MICAL2: variants seen among roughly 807,000 people sequenced by gnomAD.
MICAL2 encodes the protein microtubule associated monooxygenase, calponin and LIM domain containing 2, also known as [F-actin]-monooxygenase MICAL2.
In MICAL2, 77 loss-of-function variants were observed where a neutral mutation model predicts 127.3. The ratio of observed to expected loss-of-function variants is 0.60; its 90% CI spans 0.50 to 0.73. The LOEUF is 0.73. Among genes scored for constraint, MICAL2 ranks in the 30% least tolerant of loss-of-function variants. The probability of loss-of-function intolerance (pLI) is 0.00; values close to 1 mark genes in which losing one functional copy is unlikely to be tolerated. For missense variants in MICAL2, 1,351 were observed against 1,434.4 expected, an observed-to-expected ratio of 0.94 and a Z score of 0.94; for synonymous variants, 570 against 551.1, an observed-to-expected ratio of 1.03 and a Z score of -0.48.
intron 2 of MICAL2, 82 bp from the exon 3 acceptor site, chr11:12,161,997 T>C (rs149383805): frequency 0.01 from 8,544 of 820,354 alleles, 61 homozygotes; most frequent in Non-Finnish European, 0.013. Context: ...CTTAAAGAAA[T>C]TGCATTTTTA....
intron 6 of MICAL2, among the ~76,000 whole-genome samples, chr11:12,209,875 G>T (rs1855224325): frequency 1.3e-5 from 2 of 152,110 alleles, no homozygotes; most frequent in Admixed American, 1.3e-4. Flanking sequence ...TATGCGGGCT[G>T]GGAAAGGACT....
intron 6 of MICAL2, among the ~76,000 whole-genome samples, chr11:12,211,544 T>G (rs750266837): frequency 5.3e-4 from 80 of 152,288 alleles, no homozygotes; most frequent in Non-Finnish European, 8.8e-4. Context: ...TCTGCACCTG[T>G]GTGACAGGCA....
downstream of MICAL2, among the ~76,000 whole-genome samples, chr11:12,287,489 CTG>C (rs1863840258): frequency 6.6e-6 from 1 of 152,096 alleles, no homozygotes. Context: ...GATGAGTAAA[CTG>C]AGGTTCAGGA....
rs1565163861 is a variant in MICAL2, at chr11:12,208,085, G to A, written c.535G>A (p.Val179Met). Residue 179 changes from valine (V) to methionine (M), a missense_variant, in exon 5 of 28, where the codon GTG becomes ATG. Coordinates refer to ENST00000683283, the MANE Select transcript of MICAL2 (RefSeq NM_001282663.2). ...CCTGATGCTGGGAGTTGAAATCCAT[G>A]TGAATGTGGAGTTCGTGAAGGTTCT... ...VALMLGVEIH[V>M]NVEFVKVLEP... The A allele has an allele frequency of 6.2e-7, 1 of 1,614,098 alleles. No homozygotes were observed. The highest frequency in any genetic ancestry group is 8.5e-7 in the Non-Finnish European group (1 of 1,180,034).
intron 3 of MICAL2, among the ~76,000 whole-genome samples, chr11:12,192,532 G>T (rs1026498734): frequency 6.6e-6 from 1 of 152,174 alleles, no homozygotes; most frequent in Non-Finnish European, 1.5e-5. Flanking sequence ...TCAACACTTT[G>T]GGAGGCTGAG....
At chr11:12,340,130 G>A (rs769761181) in intron 32 of MICAL2, among the ~76,000 whole-genome samples, 1 of 151,974 alleles carries the variant, frequency 6.6e-6, no homozygotes, top group Non-Finnish European at 1.5e-5. Flanking sequence ...AGATACAGAC[G>A]GTCAACTGTG....
chr11:12,207,878 G>A (rs1290986058), intron 4 of MICAL2, 145 bp from the exon 5 acceptor site: 1 of 654,632 alleles, frequency 1.5e-6, no homozygotes, highest in Non-Finnish European at 2.8e-6. Flanking sequence ...CAGAGCTCTT[G>A]GTGCATAATC....
In MICAL2 at chr11:12,242,369, G is replaced by A. The variant is rs773525498; in HGVS notation, c.2493G>A (p.Pro831=). ...ENFATLPSTR[P]RAQALSGVLW... is the part of the protein sequence containing the mutation. ...TCGCTACCCTGCCTTCTACCCGCCCGAGGGCGCAGGCTCTTTCCGGGGTGC... is the reference window on the plus strand; with the variant it reads ...TCGCTACCCTGCCTTCTACCCGCCCAAGGGCGCAGGCTCTTTCCGGGGTGC... The change falls in exon 19 of 28, where the codon CCG becomes CCA. Residue 831 remains proline, a synonymous_variant. Transcript: ENST00000683283. 2.7e-5 allele frequency: 44 copies of A among 1,613,892 alleles called. No individual in the cohort carries two copies. Among genetic ancestry groups the A allele is most frequent in the South Asian group, 5.5e-5 (5 of 91,082 alleles).
chr11:12,299,827 A>G (rs527361048), intron 29 of MICAL2, among the ~76,000 whole-genome samples: 28 of 152,210 alleles, frequency 1.8e-4, no homozygotes, highest in Non-Finnish European at 2.5e-4. Flanking sequence ...TCCCCATTAT[A>G]TGCCCTGCCC....
chr11:12,224,403 C>A (rs544746470), intron 12 of MICAL2: 14 of 411,666 alleles, frequency 3.4e-5, no homozygotes, highest in African/African-American at 1.4e-4. Context: ...ACTAGATGAG[C>A]ATGTTGTTGG....
At chr11:12,147,069 G>A (rs576480677) in intron 2 of MICAL2, among the ~76,000 whole-genome samples, 5 of 152,082 alleles carry the variant, frequency 3.3e-5, no homozygotes, top group African/African-American at 9.6e-5. Flanking sequence ...ATGGGGTGGG[G>A]GGAGCAGGGA....
rs759017149 is a variant in MICAL2 at position 12,256,967 on chromosome 11, T to G, written c.3138T>G (p.Asp1046Glu). Reference sequence around the variant, plus strand: ...TGGCCGCCTACACCTTTGACTGCGATGAAGGTAACCCCAGGGGCCAGGGCA... The same window carrying G: ...TGGCCGCCTACACCTTTGACTGCGAGGAAGGTAACCCCAGGGGCCAGGGCA... The part of the protein sequence containing the change: ...LRLAAYTFDC[D>E]EGKFYCKPHF... The change falls in exon 24 of 28, where the codon GAT becomes GAG. Residue 1046 changes from aspartate to glutamate, a missense_variant. Transcript: ENST00000683283. 1 of 1,612,518 alleles carries G rather than the reference T, an allele frequency of 6.2e-7. No homozygotes were observed. The highest frequency in any genetic ancestry group is 1.1e-5 in the South Asian group (1 of 90,840).
chr11:12,257,016 C>T, intron 24 of MICAL2, 45 bp downstream of exon 24: 1 of 1,546,242 alleles, frequency 6.5e-7, no homozygotes, highest in Non-Finnish European at 8.7e-7. Context: ...GCCTTGGCCT[C>T]AGGTGTGACC....
At chr11:12,249,162 G>A in intron 21 of MICAL2, 22 bp from the exon 22 acceptor site, 1 of 1,612,924 alleles carries the variant, frequency 6.2e-7, no homozygotes, top group Non-Finnish European at 8.5e-7. Context: ...TAAAATGCAT[G>A]TTGATCCCTC....
intron 29 of MICAL2, among the ~76,000 whole-genome samples, chr11:12,315,280 T>C (rs962286507): frequency 2.6e-5 from 4 of 152,202 alleles, no homozygotes; most frequent in African/African-American, 9.7e-5. Flanking sequence ...AAATCATTGA[T>C]TTTAAACCTT....
At chr11:12,277,908 C>T (rs1221645245) in intron 1 of MICAL2, among the ~76,000 whole-genome samples, 1 of 152,180 alleles carries the variant, frequency 6.6e-6, no homozygotes, top group East Asian at 1.9e-4. Flanking sequence ...CATTGTGTTA[C>T]TCTACTGAAT....
At chr11:12,317,161 C>T (rs1479252004) in intron 29 of MICAL2, among the ~76,000 whole-genome samples, 4 of 152,144 alleles carry the variant, frequency 2.6e-5, no homozygotes, top group African/African-American at 9.7e-5. Context: ...AATACTCTGC[C>T]CCACGTATTC....
chr11:12,332,838 A>G (rs1938665580), intron 32 of MICAL2, among the ~76,000 whole-genome samples: 1 of 152,168 alleles, frequency 6.6e-6, no homozygotes, highest in Non-Finnish European at 1.5e-5. Flanking sequence ...CCTTCTTGGA[A>G]TTCTCTACCT....
At chr11:12,168,091 CAGG>C (rs963936345) in intron 3 of MICAL2, among the ~76,000 whole-genome samples, 1 of 151,504 alleles carries the variant, frequency 6.6e-6, no homozygotes, top group African/African-American at 2.4e-5. Flanking sequence ...TGCTCAGGGC[CAGG>C]AGTTCGAAAC....
Sources: gnomAD v4.1 joint callset for allele counts (sites outside exome capture counted in the v4.1 genomes callset) on GRCh38, gnomAD v4.1.1 for gene constraint, MANE v1.5 for transcripts, NCBI Gene and HGNC (gene_info 2026-07-23, HGNC 2026-07-21) for gene names.